The following DYNC2LI1 variants were observed in gnomAD, a reference collection of about 807,000 sequenced individuals.
DYNC2LI1 encodes the protein dynein cytoplasmic 2 light intermediate chain 1.
Under a neutral mutation model 51.9 loss-of-function variants are expected in DYNC2LI1, and 45 were observed. The ratio of observed to expected loss-of-function variants is 0.87; its 90% CI spans 0.68 to 1.11. DYNC2LI1 has a LOEUF of 1.11. Ranked by LOEUF, DYNC2LI1 falls within the 50% of genes most tolerant of loss-of-function variation. The pLI is 0.00. For synonymous variants in DYNC2LI1, 130 were observed against 137.8 expected (o/e 0.94, Z 0.40); for missense variants, 490 against 417.4 (o/e 1.17, Z -1.51).
At chr2:43,806,122 T>A (rs1666246460) in intron 12 of DYNC2LI1, among the ~76,000 whole-genome samples, 1 of 152,138 alleles carries the variant, frequency 6.6e-6, no homozygotes, top group Admixed American at 6.5e-5. Context: ...GACCTCGTGA[T>A]CCATCCGCCT....
chr2:43,785,923 A>G (rs1049777929), intron 3 of DYNC2LI1, among the ~76,000 whole-genome samples: 13 of 150,120 alleles, frequency 8.7e-5, no homozygotes, highest in Non-Finnish European at 1.8e-4. Flanking sequence ...ATTTAATACT[A>G]CTGAATTGTA....
At chr2:43,790,824 G>T (rs2104687946) in intron 5 of DYNC2LI1, among the ~76,000 whole-genome samples, 1 of 152,242 alleles carries the variant, frequency 6.6e-6, no homozygotes, top group Admixed American at 6.5e-5. Flanking sequence ...TCAGGAACAT[G>T]GAATTTTACA....
downstream of DYNC2LI1, among the ~76,000 whole-genome samples, chr2:43,811,178 C>T (rs1389995401): frequency 1.3e-5 from 2 of 152,146 alleles, no homozygotes; most frequent in African/African-American, 4.8e-5. Context: ...TCTCTTTGAA[C>T]TACTTTAATA....
At chr2:43,826,548 T>C in the DYNC2LI1 span, 1 of 1,614,126 alleles carries the variant, frequency 6.2e-7, no homozygotes, top group Middle Eastern at 1.7e-4. Flanking sequence ...GCCAGACTTC[T>C]AAGGTAGTGC....
chr2:43,781,230 G>C (rs930489622), intron 2 of DYNC2LI1, among the ~76,000 whole-genome samples: 1 of 151,936 alleles, frequency 6.6e-6, no homozygotes, highest in South Asian at 2.1e-4. Flanking sequence ...TTACCTGCAC[G>C]TGGTGGTGCA....
At chr2:43,823,849 T>C in the DYNC2LI1 span, 1 of 1,569,810 alleles carries the variant, frequency 6.4e-7, no homozygotes. Context: ...TTTTGTAAGG[T>C]TACAGCTGGA....
At position 43,801,796 on chromosome 2, in the gene DYNC2LI1, C is replaced by A. The variant is rs546959603; in HGVS notation, c.802+87C>A. 16 of 934,126 alleles carry A rather than the reference C, an allele frequency of 1.7e-5. No individual in the cohort carries two copies. In the South Asian group the frequency reaches 2.5e-4, roughly 14 times the overall value. The allele number at this position is 934,126 out of a possible 1,614,324, so 57.9% of individuals were successfully genotyped here. On this transcript the variant is annotated intron_variant, in intron 10 of 12. Transcript: ENST00000260605. ...CCATGTTCACTTTGTCTCCAACATACTCCTATTTCTGGTTTCATTATCATT... is the reference window on the plus strand; with the variant it reads ...CCATGTTCACTTTGTCTCCAACATAATCCTATTTCTGGTTTCATTATCATT...
At chr2:43,795,542 T>C (rs1358404402) in intron 6 of DYNC2LI1, among the ~76,000 whole-genome samples, 1 of 151,462 alleles carries the variant, frequency 6.6e-6, no homozygotes, top group Non-Finnish European at 1.5e-5. Flanking sequence ...TCATAGGAAA[T>C]AATGGAACAA....
intron 1 of DYNC2LI1, among the ~76,000 whole-genome samples, chr2:43,774,594 A>G (rs946111090): frequency 1.3e-5 from 2 of 152,326 alleles, no homozygotes; most frequent in East Asian, 1.9e-4. Context: ...TTTGTAAACT[A>G]TATTCTAGCT....
intron 2 of DYNC2LI1, among the ~76,000 whole-genome samples, chr2:43,778,690 A>G (rs574729183): frequency 6.6e-6 from 1 of 152,202 alleles, no homozygotes; most frequent in Non-Finnish European, 1.5e-5. Flanking sequence ...TACTGACTCC[A>G]TCATACAAAT....
downstream of DYNC2LI1, among the ~76,000 whole-genome samples, chr2:43,814,847 T>C (rs1666714292): frequency 1.3e-5 from 2 of 152,202 alleles, no homozygotes; most frequent in African/African-American, 4.8e-5. Flanking sequence ...TAAATGGAAT[T>C]AAACTCTTCA....
chr2:43,796,930 A>T, intron 8 of DYNC2LI1, 135 bp downstream of exon 8: 1 of 656,046 alleles, frequency 1.5e-6, no homozygotes, highest in Non-Finnish European at 2.7e-6. Flanking sequence ...ACTGCTGAAG[A>T]CCTCTCCTTA....
the DYNC2LI1 span, among the ~76,000 whole-genome samples, chr2:43,827,071 T>C: frequency 6.6e-6 from 1 of 152,224 alleles, no homozygotes; most frequent in African/African-American, 2.4e-5. Context: ...ACGCCTGTAA[T>C]GCCAACACTT....
chr2:43,795,414 G>A (rs181978767), intron 6 of DYNC2LI1, among the ~76,000 whole-genome samples: 1 of 152,188 alleles, frequency 6.6e-6, no homozygotes, highest in East Asian at 1.9e-4. Context: ...TGAGGCAGGA[G>A]AATCGCTTGA....
chr2:43,815,043 A>G, the DYNC2LI1 span, among the ~76,000 whole-genome samples: 1 of 152,228 alleles, frequency 6.6e-6, no homozygotes, highest in African/African-American at 2.4e-5. Context: ...CTACTGATAT[A>G]AACGTACAAG....
the DYNC2LI1 span, chr2:43,824,478 A>G: frequency 1.2e-6 from 2 of 1,605,376 alleles, no homozygotes; most frequent in South Asian, 1.1e-5. Context: ...TTTTAAATGC[A>G]TGTATGTACA....
At chr2:43,815,947 G>A in the DYNC2LI1 span, among the ~76,000 whole-genome samples, 1 of 145,002 alleles carries the variant, frequency 6.9e-6, no homozygotes, top group East Asian at 2.0e-4. Context: ...TACAAAAAAA[G>A]TTCAACTATG....
downstream of DYNC2LI1, chr2:43,810,329 C>T (rs1033495822): frequency 1.2e-5 from 12 of 982,052 alleles, no homozygotes; most frequent in Non-Finnish European, 1.3e-5. Flanking sequence ...ACCAATTTCA[C>T]CCTGCTGTGA....
rs1190087256 is a variant in DYNC2LI1 at position 43,787,056 on chromosome 2, A to G, written c.162-125A>G. On this transcript the variant is annotated intron_variant, in intron 3 of 12. Transcript: ENST00000260605. ...TGTGAATATAATTTATTTCAACGCT[A>G]TTATACAAGGTAACTTCTCTACTAA... is the stretch of plus-strand genomic sequence containing the variant. 6.0e-6 allele frequency: 4 copies of G among 662,322 alleles called. No homozygotes were observed. The East Asian group carries it at 8.3e-5, about 14-fold the overall frequency. 41.0% of individuals were successfully genotyped at this position (662,322 alleles called of 1,614,324 possible). A position where few individuals can be genotyped will look rare whatever the true frequency, so the allele number is the denominator to read the frequency against.
Sources: allele counts gnomAD v4.1 joint callset (sites outside exome capture counted in the v4.1 genomes callset), GRCh38; gene constraint gnomAD v4.1.1; transcripts MANE v1.5; gene names NCBI Gene and HGNC (gene_info 2026-07-23, HGNC 2026-07-21).